The following NKAIN4 variants were observed in gnomAD, a reference collection of about 807,000 sequenced individuals.
NKAIN4 encodes sodium/potassium-transporting ATPase subunit beta-1-interacting protein 4.
Under a neutral mutation model 28.8 loss-of-function variants are expected in NKAIN4, and 28 were observed. The ratio of observed to expected loss-of-function variants is 0.97; its 90% CI spans 0.72 to 1.33. The LOEUF is 1.33. Among genes scored for constraint, NKAIN4 ranks in the 40% most tolerant of loss-of-function variants. NKAIN4 has a pLI of 0.00. For synonymous variants in NKAIN4, 122 were observed against 115.6 expected, an observed-to-expected ratio of 1.06 and a Z score of -0.36; for missense variants, 289 against 277.2, an observed-to-expected ratio of 1.04 and a Z score of -0.30.
intron 5 of NKAIN4, 105 bp downstream of exon 5, chr20:63,243,919 T>C: frequency 1.1e-6 from 1 of 942,478 alleles, no homozygotes; most frequent in South Asian, 1.5e-5. Context: ...GTGAGGTCCC[T>C]TCCAAGTGGG....
In NKAIN4 at chr20:63,245,693, C is replaced by T. The variant is rs1307882476; in HGVS notation, c.472-1609G>A. Among the ~76,000 whole-genome samples the T allele has an allele frequency of 2.6e-5, 4 of 152,132 alleles. No homozygotes were observed. The highest frequency in any genetic ancestry group is 7.2e-5 in the African/African-American group (3 of 41,418). ...ACAGCTGGGCAGAGGCCAACCAAGC[C>T]GCCAGCCTCTCCCAGACCCTCCAAA... On this transcript the variant is annotated intron_variant, in intron 4 of 6. Transcript: ENST00000370316. The surrounding 1 kb of genome is among the most constrained non-coding windows in gnomAD (Gnocchi z 4.7).
At chr20:63,242,406 TGGATGGATGGAC>T (rs1201825375) in intron 6 of NKAIN4, 121 bp downstream of exon 6, 3 of 719,606 alleles carry the variant, frequency 4.2e-6, no homozygotes, top group Non-Finnish European at 7.4e-6. Context: ...AAAGTGAGAG[TGGATGGATGGAC>T]GGATGGATGG....
rs1395554870 is a variant in NKAIN4, at chr20:63,252,017, G to A, written c.55-1945C>T. 1.3e-5 allele frequency among the ~76,000 whole-genome samples: 2 copies of A among 152,230 alleles called. No individual in the cohort carries two copies. The highest frequency in any genetic ancestry group is 2.4e-5 in the African/African-American group (1 of 41,470). Reference sequence around the variant, plus strand: ...GCCCACTTTGCCTACGCCGGGCACAGTTCTGTGAGGTCTGGGCTGGCGGCT... The same window carrying A: ...GCCCACTTTGCCTACGCCGGGCACAATTCTGTGAGGTCTGGGCTGGCGGCT... On this transcript the variant is annotated intron_variant, in intron 1 of 6. Transcript: ENST00000370316. This position sits in a 1 kb window ranked among gnomAD's most constrained non-coding sequence, Gnocchi z 4.6.
Position 63,245,951 on chromosome 20 carries a change from A to G in NKAIN4, c.471+1627T>C, listed in dbSNP as rs1234812775. 3.4e-5 allele frequency among the ~76,000 whole-genome samples: 5 copies of G among 145,748 alleles called. No homozygotes were observed. The highest frequency in any genetic ancestry group is 6.9e-5 in the Admixed American group (1 of 14,472). ...AGCTTCCTTTTTTTTTTTTTGAGAC[A>G]GAGTCTCGCTCTGTCACCCAGGCTG... On this transcript the variant is annotated intron_variant, in intron 4 of 6. Transcript: ENST00000370316. This position sits in a 1 kb window ranked among gnomAD's most constrained non-coding sequence, Gnocchi z 4.7.
intron 4 of NKAIN4, chr20:63,244,682 AG>A: frequency 2.6e-6 from 1 of 389,246 alleles, no homozygotes; most frequent in South Asian, 1.8e-5. Flanking sequence ...CTGGGAGTCC[AG>A]GGCAGAGGGC....
At chr20:63,247,489 G>A (rs1332814856) in intron 4 of NKAIN4, 89 bp downstream of exon 4, 1 of 1,546,338 alleles carries the variant, frequency 6.5e-7, no homozygotes, top group Admixed American at 2.0e-5. Flanking sequence ...CAGGTCAGCT[G>A]GCCCCGCCTC....
chr20:63,251,462 A>G (rs2066957591), intron 1 of NKAIN4, among the ~76,000 whole-genome samples: 2 of 152,274 alleles, frequency 1.3e-5, no homozygotes, highest in South Asian at 2.1e-4. Context: ...GCTAAGTAGC[A>G]GGTGTTTTTC....
At chr20:63,247,442 G>C in intron 4 of NKAIN4, 136 bp downstream of exon 4, 5 of 1,544,128 alleles carry the variant, frequency 3.2e-6, no homozygotes, top group Non-Finnish European at 4.4e-6. Context: ...TCTCCAGCAA[G>C]GGTGGGGGAT....
rs986394166 is a variant in NKAIN4, at chr20:63,247,151, G to T, written c.471+427C>A. On this transcript the variant is annotated intron_variant, in intron 4 of 6. Transcript: ENST00000370316. ...GGGCTTCTTGCCAGCCCAGCCTCAG[G>T]CTCTGTCCACTTCCTGTGACCGGCA... 19 of 1,100,172 alleles carry T rather than the reference G, an allele frequency of 1.7e-5. No individual in the cohort carries two copies. The East Asian group carries it at 2.4e-4, about 14-fold the overall frequency. The allele number at this position is 1,100,172 out of a possible 1,614,324, so 68.2% of individuals were successfully genotyped here.
intron 1 of NKAIN4, chr20:63,254,188 G>T (rs2067011700): frequency 1.2e-5 from 5 of 434,386 alleles, no homozygotes; most frequent in East Asian, 4.2e-5. Context: ...CACGCACACC[G>T]GGGACGGGAC....
chr20:63,242,513 G>A (rs368195563), intron 6 of NKAIN4, 26 bp downstream of exon 6: 11 of 1,560,256 alleles, frequency 7.1e-6, no homozygotes, highest in Non-Finnish European at 8.8e-6. Flanking sequence ...GCTGGCCGCA[G>A]AGCAGGTTCT....
chr20:63,250,169 C>T, intron 1 of NKAIN4, 97 bp from the exon 2 acceptor site: 1 of 1,390,038 alleles, frequency 7.2e-7, no homozygotes, highest in Non-Finnish European at 9.6e-7. Context: ...TCAGCAGGGA[C>T]TTCCTCCCCA....
chr20:63,254,413 A>AGGACGACGAGCGCGCAGC lies in NKAIN4; in HGVS notation c.20_37dup (p.Arg7_Val12dup). Reference sequence around the variant, plus strand: ...GCCACTCACCAGCTGAAAAGCGCAGAGGACGACGAGCGCGCAGCGGCCGGA... The same window carrying AGGACGACGAGCGCGCAGC: ...GCCACTCACCAGCTGAAAAGCGCAGAGGACGACGAGCGCGCAGCGGACGACGAGCGCGCAGCGGCCGGA... On this transcript the variant is annotated inframe_insertion, in exon 1 of 7. Transcript: ENST00000370316. The AGGACGACGAGCGCGCAGC allele has an allele frequency of 6.9e-7, 1 of 1,446,832 alleles. No individual in the cohort carries two copies. The highest frequency in any genetic ancestry group is 1.5e-5 in the African/African-American group (1 of 67,788). The allele number at this position is 1,446,832 out of a possible 1,614,324, so 89.6% of individuals were successfully genotyped here.
At chr20:63,253,826 G>C (rs868625814) in intron 1 of NKAIN4, among the ~76,000 whole-genome samples, 2 of 142,676 alleles carry the variant, frequency 1.4e-5, no homozygotes, top group Admixed American at 1.4e-4. Context: ...GCTCCACGCC[G>C]GGCGGAATGG....
Position 63,247,679 on chromosome 20 carries a change from G to A in NKAIN4, c.370C>T (p.Leu124Phe), listed in dbSNP as rs943827519. 6.5e-7 allele frequency: 1 copy of A among 1,542,068 alleles called. No homozygotes were observed. Among genetic ancestry groups the A allele is most frequent in the Non-Finnish European group, 8.7e-7 (1 of 1,142,954 alleles). The change falls in exon 4 of 7, where the codon CTC becomes TTC. Residue 124 changes from leucine (L) to phenylalanine (F), a missense_variant. Transcript: ENST00000370316. ...CLHEEVPAVG[L>F]GAPHGQALVS... ...AGGGCCTGGCCATGGGGGGCCCCGA[G>A]GCCCACTGCTGGCACCTCCTCATGC...
chr20:63,243,225 C>A (rs2123057256), intron 5 of NKAIN4, among the ~76,000 whole-genome samples: 1 of 152,298 alleles, frequency 6.6e-6, no homozygotes, highest in Middle Eastern at 3.4e-3. Flanking sequence ...TTAGGATCAG[C>A]AGCAGAGTGG....
intron 4 of NKAIN4, among the ~76,000 whole-genome samples, chr20:63,246,164 G>A (rs966929726): frequency 6.6e-6 from 1 of 152,144 alleles, no homozygotes; most frequent in East Asian, 1.9e-4. Context: ...TCCTGACCTC[G>A]TGATCCGCCT....
intron 4 of NKAIN4, among the ~76,000 whole-genome samples, chr20:63,246,272 C>A (rs754998511): frequency 6.6e-6 from 1 of 152,050 alleles, no homozygotes; most frequent in African/African-American, 2.4e-5. Context: ...ATCTCAGGAG[C>A]TTTGATGTGC....
intron 6 of NKAIN4, chr20:63,241,795 C>G: frequency 1.6e-6 from 1 of 618,274 alleles, no homozygotes; most frequent in Non-Finnish European, 3.1e-6. Flanking sequence ...TGCCTGGGTC[C>G]CTGGCTCAGG....
Sources: gnomAD v4.1 joint callset for allele counts (sites outside exome capture counted in the v4.1 genomes callset) on GRCh38, gnomAD v4.1.1 for gene constraint, Gnocchi (gnomAD v3.1) non-coding constraint, MANE v1.5 for transcripts, NCBI Gene and HGNC (gene_info 2026-07-23, HGNC 2026-07-21) for gene names.